The following TANGO2 variants were observed in gnomAD, a reference collection of about 807,000 sequenced individuals.
TANGO2 encodes transport and Golgi organization protein 2 homolog.
In TANGO2, 26 loss-of-function variants were observed where a neutral mutation model predicts 39.1. The observed-to-expected ratio is 0.67, with a 90% CI of 0.49 to 0.92. The LOEUF (loss-of-function observed/expected upper bound fraction) is 0.92, where lower values mean the gene tolerates loss of function less well. Among genes scored for constraint, TANGO2 ranks in the 40% least tolerant of loss-of-function variants. TANGO2 has a pLI of 0.00. For synonymous variants in TANGO2, 131 were observed against 144.5 expected (o/e 0.91, Z 0.67); for missense variants, 326 against 360.1 (o/e 0.91, Z 0.77).
rs761001534 is a variant in TANGO2, at chr22:20,036,835, G to A, written c.37G>A (p.Val13Ile). Residue 13 changes from valine to isoleucine, a missense_variant, in exon 2 of 9, where the codon GTT becomes ATT. Transcript: ENST00000327374. ...CTTCTTTAAGTTTGATCCTCGCCCT[G>A]TTTCCAAAAACGCGTACAGGTAACC... ...IIFFKFDPRP[V>I]SKNAYRLILA... 6.2e-7 allele frequency: 1 copy of A among 1,614,114 alleles called. No individual in the cohort carries two copies. Among genetic ancestry groups the A allele is most frequent in the East Asian group, 2.2e-5 (1 of 44,900 alleles).
At chr22:20,050,367 T>G (rs1569303413) in intron 3 of TANGO2, among the ~76,000 whole-genome samples, 1 of 142,722 alleles carries the variant, frequency 7.0e-6, no homozygotes, top group East Asian at 2.0e-4. Context: ...GGTTTTTTTT[T>G]TTTTTTTTTT....
At chr22:20,046,878 T>C (rs1446317350) in intron 3 of TANGO2, among the ~76,000 whole-genome samples, 6 of 152,076 alleles carry the variant, frequency 3.9e-5, no homozygotes, top group Non-Finnish European at 7.4e-5. Flanking sequence ...CCTCAAGTGA[T>C]CCACAAGGCT....
chr22:20,018,891 C>T (rs939886173), upstream of TANGO2, among the ~76,000 whole-genome samples: 1 of 152,032 alleles, frequency 6.6e-6, no homozygotes, highest in African/African-American at 2.4e-5. Context: ...ACCAGCCTGG[C>T]CAACATAGCA....
chr22:20,047,675 C>A (rs950877218), intron 3 of TANGO2, among the ~76,000 whole-genome samples: 1 of 152,188 alleles, frequency 6.6e-6, no homozygotes, highest in African/African-American at 2.4e-5. Flanking sequence ...CTGGTCCCCC[C>A]ACTCCCTGGG....
chr22:20,028,229 A>C (rs1050462738), intron 1 of TANGO2, among the ~76,000 whole-genome samples: 3 of 152,210 alleles, frequency 2.0e-5, no homozygotes, highest in Admixed American at 6.5e-5. Context: ...CTCCTACCTC[A>C]GCCTCCCAAG....
chr22:20,046,254 T>C (rs1042321546), intron 3 of TANGO2, among the ~76,000 whole-genome samples: 3 of 151,896 alleles, frequency 2.0e-5, no homozygotes, highest in African/African-American at 7.3e-5. Flanking sequence ...CAAGTGATCC[T>C]CCCACCTCAG....
chr22:20,048,303 T>C (rs969232479), intron 3 of TANGO2: 6 of 152,222 alleles, frequency 3.9e-5, no homozygotes, highest in African/African-American at 1.4e-4. Flanking sequence ...AAGAAGGACA[T>C]GTTTGCTTCC....
chr22:20,065,002 A>G lies in TANGO2; in HGVS notation c.*340A>G. 1.1e-5 allele frequency: 3 copies of G among 282,272 alleles called. No homozygotes were observed. The South Asian group carries it at 1.6e-4, about 15-fold the overall frequency. The allele number at this position is 282,272 out of a possible 1,614,324, so 17.5% of individuals were successfully genotyped here. A position where few individuals can be genotyped will look rare whatever the true frequency, so the allele number is the denominator to read the frequency against. On this transcript the variant is annotated 3_prime_UTR_variant, in exon 9 of 9. Coordinates refer to ENST00000327374, the MANE Select transcript of TANGO2 (RefSeq NM_152906.7). ...CTCCTGCGTGTGCACAAGCACACACATGCAAGCCATATACATGGACACCGA... is the reference window on the plus strand; with the variant it reads ...CTCCTGCGTGTGCACAAGCACACACGTGCAAGCCATATACATGGACACCGA...
At chr22:20,040,560 T>C (rs748947974) in intron 2 of TANGO2, among the ~76,000 whole-genome samples, 92 of 152,078 alleles carry the variant, frequency 6.0e-4, no homozygotes, top group Non-Finnish European at 1.1e-3. Context: ...ACCCATAGGG[T>C]GGAGGAGCTG....
intron 1 of TANGO2, among the ~76,000 whole-genome samples, chr22:20,023,930 C>G (rs2040227865): frequency 6.6e-6 from 1 of 151,820 alleles, no homozygotes; most frequent in South Asian, 2.1e-4. Flanking sequence ...ACCTATAATC[C>G]CAGCACTTTG....
chr22:20,049,914 G>A (rs1032443544), intron 3 of TANGO2, among the ~76,000 whole-genome samples: 2 of 151,912 alleles, frequency 1.3e-5, no homozygotes, highest in Non-Finnish European at 2.9e-5. Flanking sequence ...ATAACAAGAA[G>A]AAACACTGTT....
intron 3 of TANGO2, among the ~76,000 whole-genome samples, chr22:20,050,189 C>T (rs543293406): frequency 1.1e-4 from 17 of 151,954 alleles, no homozygotes; most frequent in African/African-American, 1.9e-4. Context: ...CCAGCCTAGG[C>T]GACAGAGCAA....
At chr22:20,053,906 G>A (rs2147569281) in intron 5 of TANGO2, 1 of 364,518 alleles carries the variant, frequency 2.7e-6, no homozygotes, top group Admixed American at 3.7e-5. Flanking sequence ...CTGGGATGCT[G>A]TGCTCCCAGG....
chr22:20,064,485 A>G, intron 8 of TANGO2, 57 bp from the exon 9 acceptor site: 1 of 1,606,390 alleles, frequency 6.2e-7, no homozygotes. Flanking sequence ...TGTGGCTGTG[A>G]CAGGCAGGGC....
intron 1 of TANGO2, among the ~76,000 whole-genome samples, chr22:20,025,281 C>T (rs1381504163): frequency 3.3e-5 from 5 of 151,670 alleles, no homozygotes; most frequent in South Asian, 4.2e-4. Context: ...TTAGTAGAGA[C>T]GGGGTTTCAC....
At chr22:20,046,052 A>G (rs1010888888) in intron 3 of TANGO2, among the ~76,000 whole-genome samples, 1 of 152,032 alleles carries the variant, frequency 6.6e-6, no homozygotes, top group Non-Finnish European at 1.5e-5. Flanking sequence ...GATGCTGATC[A>G]GACATTCTCT....
intron 2 of TANGO2, among the ~76,000 whole-genome samples, chr22:20,039,549 A>T (rs2043508788): frequency 2.0e-5 from 3 of 151,908 alleles, no homozygotes; most frequent in Non-Finnish European, 4.4e-5. Context: ...GAATTGCTTG[A>T]GCCTGGGAGG....
chr22:20,039,378 C>G (rs1360302239), intron 2 of TANGO2, among the ~76,000 whole-genome samples: 1 of 151,674 alleles, frequency 6.6e-6, no homozygotes, highest in African/African-American at 2.4e-5. Context: ...CCTGTAATCC[C>G]AGCACTTTGG....
intron 2 of TANGO2, 22 bp downstream of exon 2, chr22:20,036,876 T>G (rs2042944132): frequency 6.2e-7 from 1 of 1,614,118 alleles, no homozygotes; most frequent in African/African-American, 1.3e-5. Flanking sequence ...GCTCTGCATC[T>G]GCTGCGCCCT....
Sources: allele counts gnomAD v4.1 joint callset (sites outside exome capture counted in the v4.1 genomes callset), GRCh38; gene constraint gnomAD v4.1.1; transcripts MANE v1.5; gene names NCBI Gene and HGNC (gene_info 2026-07-23, HGNC 2026-07-21).